The following CYP4F11 variants were observed in gnomAD, a reference collection of about 807,000 sequenced individuals.
CYP4F11 encodes cytochrome P450 family 4 subfamily F member 11.
CYP4F11 carries 79 observed loss-of-function variants against 62.2 expected under a neutral mutation model. The ratio of observed to expected loss-of-function variants is 1.27; its 90% CI spans 1.06 to 1.53. The LOEUF is 1.53. Among genes scored for constraint, CYP4F11 ranks in the 40% most tolerant of loss-of-function variants. CYP4F11 has a pLI of 0.00. For missense variants in CYP4F11, 777 were observed against 680.5 expected (o/e 1.14, Z -1.58); for synonymous variants, 290 against 263.7 (o/e 1.10, Z -0.97).
rs10637763 is a variant in CYP4F11 at position 15,912,789 on chromosome 19, A to ATAAT, written c.*942_*943insATTA. ...TGTGTGTGTATATATATATATATAT[A>ATAAT]ATATATATATATATATACATATCTT... is the stretch of plus-strand genomic sequence containing the variant. On this transcript the variant is annotated 3_prime_UTR_variant, in exon 12 of 12. Coordinates refer to ENST00000402119, the MANE Select transcript of CYP4F11 (RefSeq NM_021187.4). 10 of 95,814 alleles carry ATAAT rather than the reference A, an allele frequency of 1.0e-4. 2 individuals carry two copies. Among genetic ancestry groups the ATAAT allele is most frequent in the African/African-American group, 5.2e-4 (10 of 19,114 alleles). The allele number at this position is 95,814 out of a possible 1,614,324, so 5.9% of individuals were successfully genotyped here. A position where few individuals can be genotyped will look rare whatever the true frequency, so the allele number is the denominator to read the frequency against.
intron 6 of CYP4F11, among the ~76,000 whole-genome samples, chr19:15,923,245 C>CTCTT (rs1411722929): frequency 7.0e-6 from 1 of 142,336 alleles, no homozygotes; most frequent in East Asian, 2.1e-4. Context: ...CATCCTCTCT[C>CTCTT]TCTCTCTCTC....
At chr19:15,924,180 G>A (rs1161795016) in intron 5 of CYP4F11, 98 bp from the exon 6 acceptor site, 2 of 1,440,910 alleles carry the variant, frequency 1.4e-6, no homozygotes, top group African/African-American at 1.4e-5. Flanking sequence ...TGAGTATCCA[G>A]AAACAGCCAG....
At chr19:15,931,016 C>A (rs146648926) in intron 1 of CYP4F11, among the ~76,000 whole-genome samples, 16 of 152,308 alleles carry the variant, frequency 1.1e-4, no homozygotes, top group East Asian at 7.7e-4. Context: ...AAGGCCATGT[C>A]CCCCAAATGG....
chr19:15,926,623 C>T (rs2089670462), intron 4 of CYP4F11, among the ~76,000 whole-genome samples: 2 of 152,224 alleles, frequency 1.3e-5, no homozygotes, highest in Admixed American at 1.3e-4. Context: ...GGCAGTCTCT[C>T]AGAACCCAGT....
In CYP4F11 at chr19:15,934,343, C is replaced by A; in HGVS notation, c.66G>T (p.Leu22=). The change falls in exon 1 of 12, where the codon CTG becomes CTT. Residue 22 remains leucine, a synonymous_variant. Coordinates refer to ENST00000402119, the MANE Select transcript of CYP4F11 (RefSeq NM_021187.4). ...GPVAASPWLL[L]LLVGGSWLLA... is the part of the protein sequence containing the mutation. Reference sequence around the variant, plus strand: ...GGAGCCAGGAGCCTCCAACCAGCAGCAGAAGCAGCCACGGGGATGCTGCCA... The same window carrying A: ...GGAGCCAGGAGCCTCCAACCAGCAGAAGAAGCAGCCACGGGGATGCTGCCA... 1 of 1,613,390 alleles carries A rather than the reference C, an allele frequency of 6.2e-7. No homozygotes were observed. Among genetic ancestry groups the A allele is most frequent in the Non-Finnish European group, 8.5e-7 (1 of 1,179,654 alleles).
At position 15,912,620 on chromosome 19, in the gene CYP4F11, C is replaced by G. The variant is rs1055517491; in HGVS notation, c.*1112G>C. On this transcript the variant is annotated 3_prime_UTR_variant, in exon 12 of 12. Coordinates refer to ENST00000402119, the MANE Select transcript of CYP4F11 (RefSeq NM_021187.4). Reference sequence around the variant, plus strand: ...TTTTGAGACACTGACTGAGGTTTCTCTCATTCTCCTACCACCTCACACAGT... The same window carrying G: ...TTTTGAGACACTGACTGAGGTTTCTGTCATTCTCCTACCACCTCACACAGT... 1 of 146,948 alleles carries G rather than the reference C, an allele frequency of 6.8e-6. No homozygotes were observed. The highest frequency in any genetic ancestry group is 2.5e-5 in the African/African-American group (1 of 39,440). The allele number at this position is 146,948 out of a possible 1,614,324, so 9.1% of individuals were successfully genotyped here.
At position 15,927,430 on chromosome 19, in the gene CYP4F11, C is replaced by T; in HGVS notation, c.397G>A (p.Gly133Arg). The T allele has an allele frequency of 6.2e-7, 1 of 1,614,144 alleles. No individual in the cohort carries two copies. Among genetic ancestry groups the T allele is most frequent in the Non-Finnish European group, 8.5e-7 (1 of 1,180,018 alleles). ...AACCCCATTCACCTCAATTACTCACCCAGCCAGGGCTTCAGGAAGCCATAG... is the reference window on the plus strand; with the variant it reads ...AACCCCATTCACCTCAATTACTCACTCAGCCAGGGCTTCAGGAAGCCATAG... ...IFYGFLKPWL[G>R]DGLLLSGGDK... Residue 133 changes from glycine to arginine, a missense_variant and splice_region_variant, in exon 3 of 12, where the codon GGG becomes AGG. Coordinates refer to ENST00000402119, the MANE Select transcript of CYP4F11 (RefSeq NM_021187.4).
At chr19:15,919,470 G>GCA (rs2089607363) in intron 8 of CYP4F11, among the ~76,000 whole-genome samples, 1 of 109,152 alleles carries the variant, frequency 9.2e-6, no homozygotes, top group Non-Finnish European at 2.0e-5. Flanking sequence ...ATGGACAGAT[G>GCA]TATAGATAGA....
At chr19:15,918,933 T>TA (rs34830276) in intron 8 of CYP4F11, among the ~76,000 whole-genome samples, 114 of 127,846 alleles carry the variant, frequency 8.9e-4, no homozygotes, top group Middle Eastern at 4.5e-3. Context: ...TATGCCATGC[T>TA]AAAAAAAAAA....
intron 6 of CYP4F11, among the ~76,000 whole-genome samples, chr19:15,923,426 G>C (rs1169019875): frequency 2.6e-5 from 4 of 152,136 alleles, no homozygotes; most frequent in African/African-American, 9.7e-5. Context: ...CATTACCCTA[G>C]AAGGAATATG....
chr19:15,917,833 T>G (rs2145039432), intron 8 of CYP4F11, among the ~76,000 whole-genome samples: 1 of 152,324 alleles, frequency 6.6e-6, no homozygotes, highest in South Asian at 2.1e-4. Flanking sequence ...TAAGGAAACG[T>G]TCACTAAAAG....
At chr19:15,932,400 G>GCGGGGAGAGGAA (rs1357515911) in intron 1 of CYP4F11, among the ~76,000 whole-genome samples, 1 of 98,592 alleles carries the variant, frequency 1.0e-5, no homozygotes. Context: ...GAATGAGTGA[G>GCGGGGAGAGGAA]TGAGGAGAGG....
chr19:15,930,268 C>T (rs1429185978), intron 1 of CYP4F11, among the ~76,000 whole-genome samples: 2 of 152,166 alleles, frequency 1.3e-5, no homozygotes, highest in East Asian at 3.8e-4. Flanking sequence ...CTGACCCCTG[C>T]TCCTTCTCTC....
At chr19:15,930,560 C>G (rs1283036973) in intron 1 of CYP4F11, among the ~76,000 whole-genome samples, 1 of 152,106 alleles carries the variant, frequency 6.6e-6, no homozygotes, top group Non-Finnish European at 1.5e-5. Context: ...CCACTGCACT[C>G]TAGCCTGGGC....
chr19:15,928,866 C>T (rs983555664), intron 2 of CYP4F11, among the ~76,000 whole-genome samples: 2 of 152,128 alleles, frequency 1.3e-5, no homozygotes, highest in Non-Finnish European at 2.9e-5. Context: ...AATAAACTCA[C>T]CAGACTTGAA....
rs59298519 is a variant in CYP4F11, at chr19:15,912,678, A to ATATATAT, written c.*1053_*1054insATATATA. 6.4e-4 allele frequency: 34 copies of ATATATAT among 52,904 alleles called. No individual in the cohort carries two copies. The highest frequency in any genetic ancestry group is 3.3e-3 in the South Asian group (4 of 1,216). 3.3% of individuals were successfully genotyped at this position (52,904 alleles called of 1,614,324 possible). ...CTTCACCATCCTCAGGAAAAAAAAAAAAATATATATATATATATATGTGTG... is the reference window on the plus strand; with the variant it reads ...CTTCACCATCCTCAGGAAAAAAAAAATATATATAAATATATATATATATATATGTGTG... On this transcript the variant is annotated 3_prime_UTR_variant, in exon 12 of 12. Transcript: ENST00000402119.
Position 15,912,777 on chromosome 19 carries a change from A to ATGTGTGTG in CYP4F11, c.*954_*955insCACACACA, listed in dbSNP as rs1294572282. 1,088 of 38,620 alleles carry ATGTGTGTG rather than the reference A, an allele frequency of 0.028. 104 individuals are homozygous for ATGTGTGTG. The highest frequency in any genetic ancestry group is 0.1 in the African/African-American group (1,021 of 10,100). 2.4% of individuals were successfully genotyped at this position (38,620 alleles called of 1,614,324 possible). On this transcript the variant is annotated 3_prime_UTR_variant, in exon 12 of 12. Transcript: ENST00000402119. ...TGTGTGTGTGTGTGTGTGTGTATAT[A>ATGTGTGTG]TATATATATATAATATATATATATA...
rs567808097 is a variant in CYP4F11, at chr19:15,914,241, T to C, written c.1397+64A>G. 661 of 1,544,778 alleles carry C rather than the reference T, an allele frequency of 4.3e-4. 2 individuals carry two copies. Among genetic ancestry groups the C allele is most frequent in the Non-Finnish European group, 5.1e-4 (580 of 1,129,212 alleles). On this transcript the variant is annotated intron_variant, in intron 11 of 11. Transcript: ENST00000402119. ...AGCTGGAACTGGGACCATCTGTAAC[T>C]TCCCCCTTTTTGGACCCCTGCACCC...
chr19:15,922,458 G>A (rs993423351), intron 6 of CYP4F11, 28 bp from the exon 7 acceptor site: 19 of 1,608,758 alleles, frequency 1.2e-5, no homozygotes, highest in Non-Finnish European at 1.5e-5. Flanking sequence ...CAATATCCCT[G>A]CCCCAAATCA....
Sources: allele counts gnomAD v4.1 joint callset (sites outside exome capture counted in the v4.1 genomes callset), GRCh38; gene constraint gnomAD v4.1.1; transcripts MANE v1.5; gene names NCBI Gene and HGNC (gene_info 2026-07-23, HGNC 2026-07-21).